Variants in SHC2 observed in about 807,000 individuals in gnomAD.
The protein encoded by SHC2 is SHC adaptor protein 2, also known as SHC-transforming protein 2.
In SHC2, 62 loss-of-function variants were observed where a neutral mutation model predicts 60.6. That is an observed-to-expected ratio of 1.02 (90% CI 0.83 to 1.26). The LOEUF (loss-of-function observed/expected upper bound fraction) is 1.26, where lower values mean the gene tolerates loss of function less well. SHC2 is among the 50% of genes most tolerant of loss of function. The probability of loss-of-function intolerance (pLI) is 0.00; values close to 1 mark genes in which losing one functional copy is unlikely to be tolerated. For missense variants in SHC2, 873 were observed against 822.2 expected (o/e 1.06, Z -0.76); for synonymous variants, 375 against 372.4 (o/e 1.01, Z -0.08).
At chr19:421,918 A>G (rs1025831502) in intron 11 of SHC2, among the ~76,000 whole-genome samples, 2 of 152,144 alleles carry the variant, frequency 1.3e-5, no homozygotes, top group African/African-American at 4.8e-5. Flanking sequence ...TCAAAAATAA[A>G]CTGGAAAATA....
rs553558216 is a variant in SHC2, at chr19:433,817, C to T, written c.1110+892G>A. 1.4e-3 allele frequency among the ~76,000 whole-genome samples: 15 copies of T among 10,650 alleles called. 1 individual carries two copies. In the African/African-American group the frequency reaches 0.017, roughly 12 times the overall value. The allele number at this position is 10,650 out of a possible 152,430, so 7.0% of individuals were successfully genotyped here. On this transcript the variant is annotated intron_variant, in intron 8 of 12. Coordinates refer to ENST00000264554, the MANE Select transcript of SHC2 (RefSeq NM_012435.3). ...GATGGCGCTTCATCGTGAGTGAGATCGTGAGTGAGAGTTAGAGGAGGCGGG... is the reference window on the plus strand; with the variant it reads ...GATGGCGCTTCATCGTGAGTGAGATTGTGAGTGAGAGTTAGAGGAGGCGGG...
intron 1 of SHC2, among the ~76,000 whole-genome samples, chr19:456,829 T>C (rs1975355143): frequency 1.1e-5 from 1 of 93,000 alleles, no homozygotes. Flanking sequence ...GCTGTGCCCC[T>C]GCCTGGAACT....
chr19:436,002 G>T, intron 7 of SHC2, 163 bp downstream of exon 7: 1 of 744,686 alleles, frequency 1.3e-6, no homozygotes, highest in Non-Finnish European at 2.1e-6. Flanking sequence ...GGTGTTAACA[G>T]CCGAGGAAAC....
intron 5 of SHC2, 98 bp from the exon 6 acceptor site, chr19:436,529 G>A: frequency 6.3e-7 from 1 of 1,582,390 alleles, no homozygotes; most frequent in Non-Finnish European, 8.6e-7. Context: ...CAGTGGATGT[G>A]GGCACAGGGT....
chr19:450,992 C>T (rs943061465), intron 1 of SHC2, among the ~76,000 whole-genome samples: 5 of 148,622 alleles, frequency 3.4e-5, no homozygotes, highest in East Asian at 4.1e-4. Context: ...TGGATGGCCA[C>T]GCCATGGCTG....
intron 1 of SHC2, among the ~76,000 whole-genome samples, chr19:444,090 G>A (rs1041858724): frequency 1.3e-5 from 2 of 151,078 alleles, no homozygotes; most frequent in Non-Finnish European, 3.0e-5. Context: ...GATGGAGGGT[G>A]GATGGATGGA....
At chr19:421,836 G>C (rs1486198281) in intron 11 of SHC2, among the ~76,000 whole-genome samples, 3 of 152,160 alleles carry the variant, frequency 2.0e-5, no homozygotes, top group Non-Finnish European at 4.4e-5. Flanking sequence ...CTTGAGCCCA[G>C]GAGTTCGAGG....
chr19:435,406 G>T (rs1426182933), intron 7 of SHC2, among the ~76,000 whole-genome samples: 1 of 152,236 alleles, frequency 6.6e-6, no homozygotes, highest in Non-Finnish European at 1.5e-5. Context: ...CGAGGAGCCC[G>T]TCTCAGCTTC....
At chr19:419,407 A>G (rs10408164) in intron 11 of SHC2, 160,286 of 201,734 alleles carry the variant, frequency 0.79, 64,631 homozygotes, top group East Asian at 0.95. Flanking sequence ...GGACGAATGC[A>G]TCCAGGATGA....
In SHC2 at chr19:441,822, A is replaced by G. The variant is rs1239060676; in HGVS notation, c.469-890T>C. On this transcript the variant is annotated intron_variant, in intron 1 of 12. Coordinates refer to ENST00000264554, the MANE Select transcript of SHC2 (RefSeq NM_012435.3). The surrounding 1 kb of genome is among the most constrained non-coding windows in gnomAD (Gnocchi z 4.9). ...CAAAATGATGAATAACGTTATGTGA[A>G]GTCCACCTCAGTTTCTTTAAATGAT... Among the ~76,000 whole-genome samples, 1 of 152,250 alleles carries G rather than the reference A, an allele frequency of 6.6e-6. No individual in the cohort carries two copies. The highest frequency in any genetic ancestry group is 2.1e-4 in the South Asian group (1 of 4,832).
intron 10 of SHC2, among the ~76,000 whole-genome samples, chr19:423,814 G>A (rs1974342095): frequency 6.6e-6 from 1 of 152,216 alleles, no homozygotes; most frequent in African/African-American, 2.4e-5. Context: ...ACTCTTCGTG[G>A]AGGACGGACG....
chr19:455,992 AC>A (rs1162328529), intron 1 of SHC2, among the ~76,000 whole-genome samples: 1 of 152,072 alleles, frequency 6.6e-6, no homozygotes, highest in African/African-American at 2.4e-5. Flanking sequence ...TGTGCCCCAC[AC>A]AGGTGCGTGC....
chr19:427,106 G>A (rs1974435607), intron 9 of SHC2, among the ~76,000 whole-genome samples: 1 of 152,236 alleles, frequency 6.6e-6, no homozygotes, highest in Non-Finnish European at 1.5e-5. Flanking sequence ...GGCACCGGGT[G>A]GGCACTCGAT....
At chr19:421,642 A>T (rs1418849225) in intron 11 of SHC2, among the ~76,000 whole-genome samples, 2 of 152,156 alleles carry the variant, frequency 1.3e-5, no homozygotes, top group Non-Finnish European at 2.9e-5. Context: ...AGAGCATCTT[A>T]TGATGGATGA....
intron 6 of SHC2, 35 bp from the exon 7 acceptor site, chr19:436,326 C>G: frequency 6.3e-7 from 1 of 1,588,964 alleles, no homozygotes; most frequent in Non-Finnish European, 8.6e-7. Flanking sequence ...CTCCGAGCCA[C>G]ACGGCCGTGC....
In SHC2 at chr19:456,424, C is replaced by T. The variant is rs1975343959; in HGVS notation, c.468+4105G>A. ...GTCCACTTCTCCCCTCACCTAGGTC[C>T]CCTGGCCTGGGCCACCGCCGTCCCT... On this transcript the variant is annotated intron_variant, in intron 1 of 12. Transcript: ENST00000264554. Among the ~76,000 whole-genome samples the T allele has an allele frequency of 2.6e-5, 4 of 152,132 alleles. No homozygotes were observed. The South Asian group carries it at 8.3e-4, about 31-fold the overall frequency.
intron 1 of SHC2, among the ~76,000 whole-genome samples, chr19:456,572 C>T (rs918031846): frequency 1.3e-5 from 2 of 152,116 alleles, no homozygotes; most frequent in Admixed American, 6.5e-5. Context: ...TACTTAAAAC[C>T]ACCCCCACTC....
rs555580324 is a variant in SHC2 at position 437,044 on chromosome 19, C to T, written c.721-361G>A. 1.7e-4 allele frequency among the ~76,000 whole-genome samples: 26 copies of T among 152,340 alleles called. 1 individual carries two copies. The East Asian group carries it at 5.0e-3, about 29-fold the overall frequency. ...CCCCACACACATGCACACACACACA[C>T]ACACCCGAAGCAGCCACGGGAGGGA... On this transcript the variant is annotated intron_variant, in intron 4 of 12. Transcript: ENST00000264554.
chr19:458,535 A>AGG (rs1600334532), intron 1 of SHC2, among the ~76,000 whole-genome samples: 1 of 133,646 alleles, frequency 7.5e-6, no homozygotes, highest in South Asian at 2.5e-4. Flanking sequence ...GGGGAGGCGG[A>AGG]TTCGGGTTCC....
Sources: gnomAD v4.1 joint callset for allele counts (sites outside exome capture counted in the v4.1 genomes callset) on GRCh38, gnomAD v4.1.1 for gene constraint, Gnocchi (gnomAD v3.1) non-coding constraint, MANE v1.5 for transcripts, NCBI Gene and HGNC (gene_info 2026-07-23, HGNC 2026-07-21) for gene names.